Variants in KIF3B observed in about 807,000 individuals in gnomAD.
KIF3B encodes kinesin-like protein KIF3B.
Under a neutral mutation model 74.3 loss-of-function variants are expected in KIF3B, and 38 were observed. The ratio of observed to expected loss-of-function variants is 0.51; its 90% CI spans 0.39 to 0.67. The LOEUF (loss-of-function observed/expected upper bound fraction) is 0.67, where lower values mean the gene tolerates loss of function less well. KIF3B is among the 30% of genes least tolerant of loss of function. The pLI, the probability that KIF3B is intolerant of heterozygous loss-of-function variation, is 0.00. For synonymous variants in KIF3B, 326 were observed against 342.5 expected, an observed-to-expected ratio of 0.95 and a Z score of 0.53; for missense variants, 649 against 932.0, an observed-to-expected ratio of 0.70 and a Z score of 3.95.
chr20:32,308,242 A>C (rs535902966), intron 1 of KIF3B, among the ~76,000 whole-genome samples: 1 of 152,224 alleles, frequency 6.6e-6, no homozygotes, highest in Non-Finnish European at 1.5e-5. Context: ...TCTCAAATTA[A>C]AAAAAGGGTT....
At chr20:32,306,719 C>G (rs560003810) in intron 1 of KIF3B, among the ~76,000 whole-genome samples, 1 of 150,684 alleles carries the variant, frequency 6.6e-6, no homozygotes, top group South Asian at 2.1e-4. Flanking sequence ...CTCAGCCTCC[C>G]AAGTAGCTGG....
intron 5 of KIF3B, among the ~76,000 whole-genome samples, chr20:32,324,125 A>C (rs2047891385): frequency 6.6e-6 from 1 of 151,138 alleles, no homozygotes; most frequent in Non-Finnish European, 1.5e-5. Flanking sequence ...AAAAAAAAAA[A>C]GAAGAAATAT....
At chr20:32,283,648 G>GAAA (rs946636561) in intron 1 of KIF3B, among the ~76,000 whole-genome samples, 6 of 151,148 alleles carry the variant, frequency 4.0e-5, no homozygotes, top group African/African-American at 9.7e-5. Flanking sequence ...CATCTCTACT[G>GAAA]AAAATACAAA....
chr20:32,289,620 C>G (rs931114515), intron 1 of KIF3B, among the ~76,000 whole-genome samples: 1 of 152,176 alleles, frequency 6.6e-6, no homozygotes, highest in African/African-American at 2.4e-5. Flanking sequence ...TATTTATTTT[C>G]ACAGTTACTT....
chr20:32,299,403 A>ATTTT lies in KIF3B; in HGVS notation c.-65-10288_-65-10285dup, dbSNP rs11473044. 1.2e-3 allele frequency among the ~76,000 whole-genome samples: 11 copies of ATTTT among 9,026 alleles called. 3 individuals are homozygous for ATTTT. Among genetic ancestry groups the ATTTT allele is most frequent in the African/African-American group, 5.5e-3 (9 of 1,636 alleles). 5.9% of individuals were successfully genotyped at this position (9,026 alleles called of 152,430 possible). ...TGTATATATATATATATATATATAT[A>ATTTT]TTTTTTTTTTTTTTTTTTTTTTTTT... is the stretch of plus-strand genomic sequence containing the variant. On this transcript the variant is annotated intron_variant, in intron 1 of 8. Coordinates refer to ENST00000375712, the MANE Select transcript of KIF3B (RefSeq NM_004798.4).
At position 32,316,872 on chromosome 20, in the gene KIF3B, C is replaced by G; in HGVS notation, c.1746C>G (p.Leu582=). The G allele has an allele frequency of 2.5e-6, 4 of 1,606,014 alleles. No individual in the cohort carries two copies. In the South Asian group the frequency reaches 4.4e-5, roughly 18 times the overall value. ...TQNELTRELK[L]KHLIIENFIP... Reference sequence around the variant, plus strand: ...ATGAGCTCACCAGGGAGCTGAAACTCAAGTAAGTGCCAGGCCTTCCATAGT... The same window carrying G: ...ATGAGCTCACCAGGGAGCTGAAACTGAAGTAAGTGCCAGGCCTTCCATAGT... The change falls in exon 5 of 9, where the codon CTC becomes CTG. Residue 582 remains leucine, a splice_region_variant and synonymous_variant. Coordinates refer to ENST00000375712, the MANE Select transcript of KIF3B (RefSeq NM_004798.4).
intron 1 of KIF3B, among the ~76,000 whole-genome samples, chr20:32,298,102 C>T (rs137944603): frequency 1.2e-3 from 166 of 137,542 alleles, no homozygotes; most frequent in East Asian, 2.2e-3. Flanking sequence ...AGTAAAACTC[C>T]GTCTCAAAAA....
At chr20:32,298,687 T>C (rs1313851784) in intron 1 of KIF3B, among the ~76,000 whole-genome samples, 4 of 143,148 alleles carry the variant, frequency 2.8e-5, no homozygotes, top group African/African-American at 1.0e-4. Flanking sequence ...TCTCTTCCCC[T>C]TCCCTTCTTC....
intron 1 of KIF3B, among the ~76,000 whole-genome samples, chr20:32,306,528 C>A (rs1207857499): frequency 6.7e-5 from 10 of 149,646 alleles, no homozygotes; most frequent in African/African-American, 2.5e-4. Context: ...ATTATTAGCA[C>A]AAGCTAGGAA....
At chr20:32,314,277 C>T (rs993134985) in intron 2 of KIF3B, among the ~76,000 whole-genome samples, 2 of 152,162 alleles carry the variant, frequency 1.3e-5, no homozygotes, top group South Asian at 4.1e-4. Flanking sequence ...CGGTGGCTCA[C>T]GCCTGTAATC....
chr20:32,297,843 C>T (rs1359085336), intron 1 of KIF3B, among the ~76,000 whole-genome samples: 1 of 151,924 alleles, frequency 6.6e-6, no homozygotes, highest in Non-Finnish European at 1.5e-5. Flanking sequence ...TGCTGTGGCT[C>T]ACGCCTATAA....
intron 1 of KIF3B, among the ~76,000 whole-genome samples, chr20:32,284,302 A>C (rs940382016): frequency 6.6e-6 from 1 of 152,090 alleles, no homozygotes; most frequent in African/African-American, 2.4e-5. Context: ...TCATTTACTA[A>C]TTGTCAATCA....
intron 2 of KIF3B, among the ~76,000 whole-genome samples, chr20:32,312,022 C>T (rs957361119): frequency 3.3e-5 from 5 of 151,784 alleles, no homozygotes; most frequent in Non-Finnish European, 4.4e-5. Context: ...TGGCTGGTCT[C>T]GAACTCCTGA....
In KIF3B at chr20:32,331,625, T is replaced by C; in HGVS notation, c.*306T>C. 2.8e-6 allele frequency: 1 copy of C among 355,740 alleles called. No individual in the cohort carries two copies. The highest frequency in any genetic ancestry group is 5.1e-6 in the Non-Finnish European group (1 of 197,654). 22.0% of individuals were successfully genotyped at this position (355,740 alleles called of 1,614,324 possible). A position where few individuals can be genotyped will look rare whatever the true frequency, so the allele number is the denominator to read the frequency against. ...TGCTTCCTTCCCCCTTGCCTTCTTC[T>C]CCCCCTTCCCCTGTGCTCCCTTTCT... On this transcript the variant is annotated 3_prime_UTR_variant, in exon 9 of 9. Transcript: ENST00000375712.
intron 7 of KIF3B, among the ~76,000 whole-genome samples, chr20:32,329,064 C>T (rs2047917749): frequency 6.6e-6 from 1 of 152,186 alleles, no homozygotes; most frequent in Non-Finnish European, 1.5e-5. Context: ...CATGCCACGA[C>T]ACCCAGCTAG....
At chr20:32,300,320 C>T (rs1011792335) in intron 1 of KIF3B, among the ~76,000 whole-genome samples, 4 of 151,916 alleles carry the variant, frequency 2.6e-5, no homozygotes, top group African/African-American at 7.3e-5. Flanking sequence ...CTCTGTCGCC[C>T]GGGCTGGAGT....
chr20:32,314,174 C>T (rs576465992), intron 2 of KIF3B, among the ~76,000 whole-genome samples: 11 of 152,338 alleles, frequency 7.2e-5, no homozygotes, highest in Non-Finnish European at 1.2e-4. Flanking sequence ...CACTGCATCT[C>T]TTAGACATTT....
At chr20:32,294,984 C>T (rs1037900314) in intron 1 of KIF3B, among the ~76,000 whole-genome samples, 6 of 152,198 alleles carry the variant, frequency 3.9e-5, no homozygotes, top group Non-Finnish European at 7.3e-5. Flanking sequence ...AATCTAACCA[C>T]TCCCTTATTG....
At chr20:32,326,709 A>T in intron 5 of KIF3B, 62 bp from the exon 6 acceptor site, 1 of 726,810 alleles carries the variant, frequency 1.4e-6, no homozygotes, top group Non-Finnish European at 2.4e-6. Flanking sequence ...GCATGAGACC[A>T]GATAGCTGAC....
Sources: allele counts gnomAD v4.1 joint callset (sites outside exome capture counted in the v4.1 genomes callset), GRCh38; gene constraint gnomAD v4.1.1; transcripts MANE v1.5; gene names NCBI Gene and HGNC (gene_info 2026-07-23, HGNC 2026-07-21).